Variants in LPP observed in about 807,000 individuals in gnomAD.
LPP encodes LIM domain containing preferred translocation partner in lipoma.
LPP carries 38 observed loss-of-function variants against 60.4 expected under a neutral mutation model. The ratio of observed to expected loss-of-function variants is 0.63; its 90% CI spans 0.49 to 0.83. LPP has a LOEUF of 0.83. LPP is among the 40% of genes least tolerant of loss of function. LPP has a pLI of 0.00. For missense variants in LPP, 902 were observed against 783.6 expected (o/e 1.15, Z -1.80); for synonymous variants, 328 against 290.8 (o/e 1.13, Z -1.30).
intron 7 of LPP, among the ~76,000 whole-genome samples, chr3:188,677,550 T>C (rs527741008): frequency 6.6e-6 from 1 of 152,318 alleles, no homozygotes; most frequent in South Asian, 2.1e-4. Context: ...TTACATGAAA[T>C]GGGCTTCTTT....
intron 2 of LPP, among the ~76,000 whole-genome samples, chr3:188,288,327 T>C (rs762336441): frequency 2.6e-5 from 4 of 152,234 alleles, no homozygotes; most frequent in Admixed American, 6.5e-5. Flanking sequence ...CGTCCCTTTA[T>C]GCTTGTACAC....
intron 2 of LPP, among the ~76,000 whole-genome samples, chr3:188,241,164 C>G (rs532777068): frequency 6.6e-6 from 1 of 152,282 alleles, no homozygotes; most frequent in South Asian, 2.1e-4. Flanking sequence ...GCCTGACACT[C>G]TAGGAGCAGA....
At chr3:188,736,760 A>G (rs1471802057) in intron 8 of LPP, among the ~76,000 whole-genome samples, 2 of 151,920 alleles carry the variant, frequency 1.3e-5, no homozygotes, top group Admixed American at 6.6e-5. Flanking sequence ...ATAGAGATAT[A>G]TGTTTCTATA....
intron 2 of LPP, among the ~76,000 whole-genome samples, chr3:188,268,568 G>A (rs1399940539): frequency 6.6e-6 from 1 of 152,208 alleles, no homozygotes; most frequent in Non-Finnish European, 1.5e-5. Context: ...TTGATTGGCT[G>A]AAACTCTGTG....
intron 7 of LPP, among the ~76,000 whole-genome samples, chr3:188,707,397 G>GC (rs1865690306): frequency 6.6e-6 from 1 of 152,124 alleles, no homozygotes; most frequent in East Asian, 1.9e-4. Context: ...TTTGATCCCT[G>GC]CCCCCCTGCC....
At chr3:188,579,869 G>C (rs934446653) in intron 6 of LPP, among the ~76,000 whole-genome samples, 1 of 151,018 alleles carries the variant, frequency 6.6e-6, no homozygotes, top group African/African-American at 2.4e-5. Context: ...ACTCTCATTG[G>C]GGGTTGGGGG....
Position 188,889,876 on chromosome 3 carries a change from A to G in LPP, c.*15397A>G, listed in dbSNP as rs1466463307. ...TTCCTTTTCTGTTTTTACCTTGTCCAATTTCCACACTAGTCATTTTTTTTA... is the reference window on the plus strand; with the variant it reads ...TTCCTTTTCTGTTTTTACCTTGTCCGATTTCCACACTAGTCATTTTTTTTA... On this transcript the variant is annotated 3_prime_UTR_variant, in exon 12 of 12. Transcript: ENST00000617246. The G allele has an allele frequency of 4.7e-6, 1 of 212,906 alleles. No individual in the cohort carries two copies. The highest frequency in any genetic ancestry group is 5.9e-5 in the Admixed American group (1 of 17,072). The allele number at this position is 212,906 out of a possible 1,614,324, so 13.2% of individuals were successfully genotyped here.
intron 2 of LPP, among the ~76,000 whole-genome samples, chr3:188,264,055 G>A (rs1734591595): frequency 6.6e-6 from 1 of 152,136 alleles, no homozygotes; most frequent in African/African-American, 2.4e-5. Flanking sequence ...GGCCTGTCTT[G>A]TACATATCAC....
chr3:188,488,525 C>T (rs1560469169), intron 5 of LPP, among the ~76,000 whole-genome samples: 1 of 152,120 alleles, frequency 6.6e-6, no homozygotes, highest in South Asian at 2.1e-4. Context: ...AAATTGAATG[C>T]TTCTTGTAAG....
At chr3:188,241,598 G>C (rs2149471462) in intron 2 of LPP, among the ~76,000 whole-genome samples, 2 of 152,242 alleles carry the variant, frequency 1.3e-5, no homozygotes, top group Middle Eastern at 3.4e-3. Context: ...ATATACTTGA[G>C]TTCTCCTTGG....
intron 1 of LPP, among the ~76,000 whole-genome samples, chr3:188,194,403 G>T (rs1198541973): frequency 1.3e-5 from 2 of 152,094 alleles, no homozygotes; most frequent in Non-Finnish European, 2.9e-5. Context: ...TCATTATTAG[G>T]ACACTTTCTG....
At chr3:188,376,030 A>C (rs1238534220) in intron 3 of LPP, among the ~76,000 whole-genome samples, 2 of 152,152 alleles carry the variant, frequency 1.3e-5, no homozygotes, top group African/African-American at 4.8e-5. Flanking sequence ...TGAGTTTCTT[A>C]ATCCTGAATT....
intron 3 of LPP, among the ~76,000 whole-genome samples, chr3:188,344,603 C>G (rs1011722388): frequency 6.6e-6 from 1 of 152,158 alleles, no homozygotes. Flanking sequence ...AGTCCCTTCT[C>G]TCTCCTGGTG....
intron 9 of LPP, among the ~76,000 whole-genome samples, chr3:188,863,845 G>A (rs965166870): frequency 6.6e-6 from 1 of 151,548 alleles, no homozygotes; most frequent in South Asian, 2.1e-4. Flanking sequence ...CTGTTATATT[G>A]CTGCTAGTTT....
At chr3:188,321,778 G>A (rs555766970) in intron 2 of LPP, among the ~76,000 whole-genome samples, 132 of 152,204 alleles carry the variant, frequency 8.7e-4, no homozygotes, top group African/African-American at 2.9e-3. Context: ...ACACTAACAC[G>A]TAGAAGATGG....
At chr3:188,671,795 G>A (rs1857008583) in intron 7 of LPP, among the ~76,000 whole-genome samples, 1 of 152,162 alleles carries the variant, frequency 6.6e-6, no homozygotes, top group South Asian at 2.1e-4. Context: ...CACCCTCAGT[G>A]GAGGTGCAGG....
chr3:188,534,683 C>T (rs780113116), intron 6 of LPP, among the ~76,000 whole-genome samples: 2 of 152,098 alleles, frequency 1.3e-5, no homozygotes, highest in African/African-American at 4.8e-5. Context: ...GAGAAAAAGC[C>T]GTGTCTCAGA....
At chr3:188,322,834 G>C (rs1757334225) in intron 2 of LPP, among the ~76,000 whole-genome samples, 1 of 152,170 alleles carries the variant, frequency 6.6e-6, no homozygotes, top group Non-Finnish European at 1.5e-5. Context: ...ACAAAGTTGT[G>C]ATATGTTAAT....
intron 3 of LPP, among the ~76,000 whole-genome samples, chr3:188,397,554 CCGTTCTGAAT>C (rs1781247036): frequency 6.6e-6 from 1 of 151,990 alleles, no homozygotes; most frequent in African/African-American, 2.4e-5. Flanking sequence ...TTTTCGAGTG[CCGTTCTGAAT>C]CTGAAGTGAA....
Sources: allele counts gnomAD v4.1 joint callset (sites outside exome capture counted in the v4.1 genomes callset), GRCh38; gene constraint gnomAD v4.1.1; transcripts MANE v1.5; gene names NCBI Gene and HGNC (gene_info 2026-07-23, HGNC 2026-07-21).